CAMSAP1: variants seen among roughly 807,000 people sequenced by gnomAD.
CAMSAP1 encodes the protein calmodulin-regulated spectrin-associated protein 1.
In CAMSAP1, 58 loss-of-function variants were observed where a neutral mutation model predicts 143.5. The ratio of observed to expected loss-of-function variants is 0.40; its 90% CI spans 0.33 to 0.50. CAMSAP1 has a LOEUF of 0.50. CAMSAP1 is among the 20% of genes least tolerant of loss of function. CAMSAP1 has a pLI of 0.45. For synonymous variants in CAMSAP1, 945 were observed against 859.3 expected, an observed-to-expected ratio of 1.10 and a Z score of -1.74; for missense variants, 1,969 against 2,115.7, an observed-to-expected ratio of 0.93 and a Z score of 1.36.
Position 135,821,438 on chromosome 9 carries a change from A to G in CAMSAP1, c.3223T>C (p.Phe1075Leu). The change falls in exon 11 of 17, where the codon TTC (phenylalanine) becomes CTC (leucine). Residue 1075 changes from phenylalanine (F) to leucine (L), a missense_variant. By Grantham distance (22) the Phe-to-Leu change is conservative. Around this residue, in one of 4 missense-constraint regions of CAMSAP1, gnomAD observed 1,390 missense variants for 1,420.8 expected, o/e 0.98. Coordinates refer to ENST00000389532, the MANE Select transcript of CAMSAP1 (RefSeq NM_015447.4). This position sits in a 1 kb window ranked among gnomAD's most constrained non-coding sequence, Gnocchi z 4.6. ...QDHKVKAPVHFVEPLSPTGVA... is the reference protein window; with the variant it reads ...QDHKVKAPVHLVEPLSPTGVA... ...CCCGTGGGAGAGAGTGGCTCCACGAAGTGGACTGGTGCCTTCACTTTGTGG... is the reference window on the plus strand; with the variant it reads ...CCCGTGGGAGAGAGTGGCTCCACGAGGTGGACTGGTGCCTTCACTTTGTGG... 6.2e-7 allele frequency: 1 copy of G among 1,614,016 alleles called. No homozygotes were observed. The highest frequency in any genetic ancestry group is 1.7e-5 in the Admixed American group (1 of 60,028).
chr9:135,825,887 G>A (rs1835654752), intron 8 of CAMSAP1, among the ~76,000 whole-genome samples: 1 of 152,208 alleles, frequency 6.6e-6, no homozygotes, highest in Non-Finnish European at 1.5e-5. Flanking sequence ...GTGAGAGCAG[G>A]TGTGCAGGAG....
At chr9:135,903,506 G>A (rs1211123300) in intron 1 of CAMSAP1, among the ~76,000 whole-genome samples, 5 of 152,224 alleles carry the variant, frequency 3.3e-5, no homozygotes, top group African/African-American at 1.2e-4. Context: ...CTCGCCAAGG[G>A]CAAGCTCTCC....
At chr9:135,859,419 G>A (rs962144817) in intron 5 of CAMSAP1, among the ~76,000 whole-genome samples, 1 of 152,202 alleles carries the variant, frequency 6.6e-6, no homozygotes, top group Non-Finnish European at 1.5e-5. Context: ...GTTTGAGACA[G>A]TCTCGCTCTG....
chr9:135,858,426 TG>T (rs1362275000), intron 5 of CAMSAP1, among the ~76,000 whole-genome samples: 1 of 152,168 alleles, frequency 6.6e-6, no homozygotes, highest in African/African-American at 2.4e-5. Flanking sequence ...GATACATCAG[TG>T]AGCAAAACAG....
intron 7 of CAMSAP1, among the ~76,000 whole-genome samples, chr9:135,843,784 C>G (rs1249998483): frequency 1.4e-5 from 2 of 144,092 alleles, no homozygotes; most frequent in East Asian, 2.1e-4. Flanking sequence ...TGAGGCAGGA[C>G]AATGGCGTGA....
At chr9:135,881,172 C>T (rs566152259) in intron 3 of CAMSAP1, among the ~76,000 whole-genome samples, 25 of 151,866 alleles carry the variant, frequency 1.6e-4, no homozygotes, top group African/African-American at 5.3e-4. Context: ...GTGAGACTCC[C>T]TCTCTACTAA....
intron 3 of CAMSAP1, among the ~76,000 whole-genome samples, chr9:135,867,475 C>CGCCCT (rs1491489651): frequency 6.9e-6 from 1 of 145,262 alleles, no homozygotes; most frequent in Non-Finnish European, 1.5e-5. Flanking sequence ...CAAGACCCCC[C>CGCCCT]TCTTTTTTTT....
chr9:135,822,489 G>A lies in CAMSAP1; in HGVS notation c.2172C>T (p.Asn724=). The A allele has an allele frequency of 1.2e-6, 2 of 1,613,940 alleles. No individual in the cohort carries two copies. Among genetic ancestry groups the A allele is most frequent in the South Asian group, 1.1e-5 (1 of 91,080 alleles). ...GAGTCCACGGCTCTGAATCGTGGGAGTTGGGGCTTTTTGAACAACTAACAT... is the reference window on the plus strand; with the variant it reads ...GAGTCCACGGCTCTGAATCGTGGGAATTGGGGCTTTTTGAACAACTAACAT... ...RLYVSCSKSP[N]SHDSEPWTLL... is the part of the protein sequence containing the mutation. The change falls in exon 11 of 17, where the codon AAC becomes AAT. Residue 724 remains asparagine, a synonymous_variant. Transcript: ENST00000389532. This position sits in a 1 kb window ranked among gnomAD's most constrained non-coding sequence, Gnocchi z 6.1.
intron 1 of CAMSAP1, among the ~76,000 whole-genome samples, chr9:135,904,981 G>C (rs1423202844): frequency 6.7e-6 from 1 of 149,366 alleles, no homozygotes; most frequent in African/African-American, 2.5e-5. Context: ...AAAAAAAAAA[G>C]TGGAAACCAG....
At chr9:135,902,562 C>A (rs776230974) in intron 1 of CAMSAP1, among the ~76,000 whole-genome samples, 1 of 152,204 alleles carries the variant, frequency 6.6e-6, no homozygotes, top group Admixed American at 6.5e-5. Flanking sequence ...TGGCGACCCT[C>A]TGGAGTTGAT....
chr9:135,869,506 C>CAAAA (rs1181621076), intron 3 of CAMSAP1, among the ~76,000 whole-genome samples: 1 of 83,974 alleles, frequency 1.2e-5, no homozygotes, highest in Admixed American at 1.2e-4. Context: ...CAGTCTCAAA[C>CAAAA]AAAAAAAAAA....
chr9:135,896,320 T>C (rs1254317136), intron 1 of CAMSAP1, among the ~76,000 whole-genome samples: 4 of 151,808 alleles, frequency 2.6e-5, no homozygotes, highest in Non-Finnish European at 5.9e-5. Flanking sequence ...GATAAAAGGA[T>C]CAATCTACCA....
intron 5 of CAMSAP1, among the ~76,000 whole-genome samples, chr9:135,854,374 A>T (rs1030057560): frequency 6.6e-6 from 1 of 152,132 alleles, no homozygotes; most frequent in Admixed American, 6.5e-5. Flanking sequence ...TATCTATTTT[A>T]TTAATTCTTT....
At chr9:135,864,850 A>G (rs1449565850) in intron 4 of CAMSAP1, among the ~76,000 whole-genome samples, 1 of 152,180 alleles carries the variant, frequency 6.6e-6, no homozygotes, top group Non-Finnish European at 1.5e-5. Flanking sequence ...GAACAGAGGA[A>G]TCTGACATGC....
intron 7 of CAMSAP1, among the ~76,000 whole-genome samples, chr9:135,834,786 C>T (rs1055822645): frequency 3.9e-5 from 6 of 152,130 alleles, no homozygotes; most frequent in Non-Finnish European, 8.8e-5. Flanking sequence ...ACAAAGGTAG[C>T]GATGTGAAGA....
At position 135,818,881 on chromosome 9, in the gene CAMSAP1, T is replaced by A. The variant is rs1588441427; in HGVS notation, c.3959+129A>T. The A allele has an allele frequency of 1.4e-6, 2 of 1,397,574 alleles. No homozygotes were observed. The highest frequency in any genetic ancestry group is 2.6e-5 in the South Asian group (2 of 75,540). 86.6% of individuals were successfully genotyped at this position (1,397,574 alleles called of 1,614,324 possible). ...CGTGAAAGTTCGGGGAGGTGGTCCA[T>A]GGGAGGAGTAAGACCGTCACAGGCA... On this transcript the variant is annotated intron_variant, in intron 12 of 16. Coordinates refer to ENST00000389532, the MANE Select transcript of CAMSAP1 (RefSeq NM_015447.4). This position sits in a 1 kb window ranked among gnomAD's most constrained non-coding sequence, Gnocchi z 7.7.
chr9:135,832,769 A>C (rs190967300), intron 7 of CAMSAP1, among the ~76,000 whole-genome samples: 1 of 152,336 alleles, frequency 6.6e-6, no homozygotes, highest in African/African-American at 2.4e-5. Flanking sequence ...AGAAATCAAG[A>C]AAACAATCCA....
chr9:135,850,192 G>A lies in CAMSAP1; in HGVS notation c.990C>T (p.Phe330=), dbSNP rs780172321. 34 of 1,612,294 alleles carry A rather than the reference G, an allele frequency of 2.1e-5. No homozygotes were observed. The highest frequency in any genetic ancestry group is 8.4e-5 in the Admixed American group (5 of 59,812). ...MVFIAELFWW[F]ENVKPDFVQP... ...GAACAAAATCTGGCTTGACATTCTC[G>A]AACCACCAAAAAAGCTCCGCAATAA... The change falls in exon 7 of 17, where the codon TTC becomes TTT. Residue 330 remains phenylalanine (F), a synonymous_variant. Transcript: ENST00000389532.
intron 1 of CAMSAP1, among the ~76,000 whole-genome samples, chr9:135,896,617 C>G (rs1027092636): frequency 7.9e-5 from 12 of 152,116 alleles, no homozygotes; most frequent in Admixed American, 3.3e-4. Flanking sequence ...ATATCCTAGG[C>G]CACAAGACAA....
Sources: allele counts gnomAD v4.1 joint callset (sites outside exome capture counted in the v4.1 genomes callset), GRCh38; gene constraint gnomAD v4.1.1; regional missense constraint gnomAD v4.1.1; non-coding constraint Gnocchi (gnomAD v3.1); transcripts MANE v1.5; gene names NCBI Gene and HGNC (gene_info 2026-07-23, HGNC 2026-07-21).